The following DYNC2LI1 variants were observed in gnomAD, a reference collection of about 807,000 sequenced individuals.
DYNC2LI1 encodes the protein dynein cytoplasmic 2 light intermediate chain 1, also known as cytoplasmic dynein 2 light intermediate chain 1.
In DYNC2LI1, 45 loss-of-function variants were observed where a neutral mutation model predicts 51.9. That is an observed-to-expected ratio of 0.87 (90% CI 0.68 to 1.11). The LOEUF (loss-of-function observed/expected upper bound fraction) is 1.11, where lower values mean the gene tolerates loss of function less well. Ranked by LOEUF, DYNC2LI1 falls within the 50% of genes most tolerant of loss-of-function variation. The probability of loss-of-function intolerance (pLI) is 0.00; values close to 1 mark genes in which losing one functional copy is unlikely to be tolerated. For synonymous variants in DYNC2LI1, 130 were observed against 137.8 expected, an observed-to-expected ratio of 0.94 and a Z score of 0.40; for missense variants, 490 against 417.4, an observed-to-expected ratio of 1.17 and a Z score of -1.51.
intron 5 of DYNC2LI1, chr2:43,792,554 A>T: frequency 6.3e-6 from 6 of 951,730 alleles, no homozygotes; most frequent in Non-Finnish European, 8.5e-6. Flanking sequence ...AGTCATTTTT[A>T]ACTGTGCAGT....
chr2:43,797,997 C>T (rs939946161), intron 8 of DYNC2LI1, among the ~76,000 whole-genome samples: 1 of 151,992 alleles, frequency 6.6e-6, no homozygotes, highest in Non-Finnish European at 1.5e-5. Context: ...CATGGTGGCA[C>T]ACACCAGTTG....
Position 43,810,008 on chromosome 2 carries a change from T to C in DYNC2LI1, c.*241T>C. On this transcript the variant is annotated 3_prime_UTR_variant, in exon 13 of 13. Transcript: ENST00000260605. ...AAAAGAATCTTCTACTACCTACCTC[T>C]AACATGTTTAAGTGGTATATACTCA... 9.0e-7 allele frequency: 1 copy of C among 1,111,086 alleles called. No homozygotes were observed. Among genetic ancestry groups the C allele is most frequent in the Admixed American group, 4.0e-5 (1 of 25,106 alleles). The allele number at this position is 1,111,086 out of a possible 1,614,324, so 68.8% of individuals were successfully genotyped here. A position where few individuals can be genotyped will look rare whatever the true frequency, so the allele number is the denominator to read the frequency against.
At chr2:43,826,787 C>G in the DYNC2LI1 span, among the ~76,000 whole-genome samples, 1 of 152,222 alleles carries the variant, frequency 6.6e-6, no homozygotes, top group Non-Finnish European at 1.5e-5. Flanking sequence ...TACGGGCCAT[C>G]TGGGCTCTGC....
chr2:43,775,766 C>T (rs756081767), intron 1 of DYNC2LI1: 2 of 372,970 alleles, frequency 5.4e-6, no homozygotes, highest in South Asian at 3.8e-5. Flanking sequence ...TGGCTCAATA[C>T]AACATCCACC....
At chr2:43,822,264 C>A in the DYNC2LI1 span, among the ~76,000 whole-genome samples, 1 of 151,942 alleles carries the variant, frequency 6.6e-6, no homozygotes, top group Non-Finnish European at 1.5e-5. Context: ...TCCCTTTATG[C>A]TTCACCTCCT....
chr2:43,798,543 G>A (rs1038776825), intron 8 of DYNC2LI1, among the ~76,000 whole-genome samples: 23 of 152,176 alleles, frequency 1.5e-4, no homozygotes, highest in Admixed American at 3.9e-4. Flanking sequence ...GGAAATCCCT[G>A]TATTTCTTTA....
intron 3 of DYNC2LI1, among the ~76,000 whole-genome samples, chr2:43,784,662 G>A (rs970924833): frequency 3.3e-5 from 5 of 152,050 alleles, no homozygotes; most frequent in South Asian, 2.1e-4. Context: ...TCGAACTCAC[G>A]ATGTCAGGTG....
Position 43,789,762 on chromosome 2 carries a change from A to T in DYNC2LI1, c.320+41A>T, listed in dbSNP as rs184689483. On this transcript the variant is annotated intron_variant, in intron 5 of 12. Transcript: ENST00000260605. ...CCAGGAAAACCTGTAAGTACACAGGAGTGTCCCTAGGAGGAATATGAGTTG... is the reference window on the plus strand; with the variant it reads ...CCAGGAAAACCTGTAAGTACACAGGTGTGTCCCTAGGAGGAATATGAGTTG... 1.2e-4 allele frequency: 181 copies of T among 1,559,754 alleles called. No individual in the cohort carries two copies. The African/African-American group carries it at 2.2e-3, about 19-fold the overall frequency.
chr2:43,821,907 G>A, the DYNC2LI1 span, among the ~76,000 whole-genome samples: 1 of 151,860 alleles, frequency 6.6e-6, no homozygotes, highest in African/African-American at 2.4e-5. Flanking sequence ...ATCTTTGAAA[G>A]TGTGACCCTA....
At chr2:43,825,036 G>T in the DYNC2LI1 span, 6 of 1,612,748 alleles carry the variant, frequency 3.7e-6, no homozygotes, top group Non-Finnish European at 5.1e-6. Flanking sequence ...GACAACAGAC[G>T]TAGTTAGTGT....
intron 2 of DYNC2LI1, among the ~76,000 whole-genome samples, chr2:43,777,839 A>G (rs930553338): frequency 6.6e-6 from 1 of 152,220 alleles, no homozygotes; most frequent in Non-Finnish European, 1.5e-5. Context: ...ATATATTGGG[A>G]GAAATACCTG....
At chr2:43,795,078 T>C (rs1673970579) in intron 6 of DYNC2LI1, 1 of 1,014,254 alleles carries the variant, frequency 9.9e-7, no homozygotes, top group Non-Finnish European at 1.2e-6. Flanking sequence ...CTGTCACTTA[T>C]TCAGTATCTT....
At chr2:43,794,340 G>A (rs1045957323) in intron 5 of DYNC2LI1, 117 bp from the exon 6 acceptor site, 16 of 1,127,636 alleles carry the variant, frequency 1.4e-5, no homozygotes, top group Middle Eastern at 2.8e-4. Context: ...ATAATGCTAC[G>A]GTTTTTTTTT....
rs778471864 is a variant in DYNC2LI1 at position 43,795,948 on chromosome 2, A to G, written c.566A>G (p.Asp189Gly). The stretch of plus-strand genomic sequence containing the variant: ...CTGGTCATAATTGGAAGTAAATATG[A>G]TGTTTTTCAGGTAAGCTCTTCCGCT... ...VPLVIIGSKY[D>G]VFQDFESEKR... The change falls in exon 7 of 13, where the codon GAT (aspartate) becomes GGT (glycine). Residue 189 changes from aspartate (D) to glycine (G), a missense_variant. By Grantham distance (94) the Asp-to-Gly change is moderately conservative (BLOSUM62 -1). Transcript: ENST00000260605. 5 of 1,612,944 alleles carry G rather than the reference A, an allele frequency of 3.1e-6. No homozygotes were observed. In the Admixed American group the frequency reaches 6.7e-5, roughly 22 times the overall value.
chr2:43,784,138 A>G (rs1024772616), intron 3 of DYNC2LI1, among the ~76,000 whole-genome samples: 2 of 152,240 alleles, frequency 1.3e-5, no homozygotes, highest in African/African-American at 4.8e-5. Flanking sequence ...CTCCAAAATC[A>G]TCAAAAGAGA....
chr2:43,809,904 C>T lies in DYNC2LI1; in HGVS notation c.*137C>T, dbSNP rs1666420259. 4 of 1,423,852 alleles carry T rather than the reference C, an allele frequency of 2.8e-6. No individual in the cohort carries two copies. Among genetic ancestry groups the T allele is most frequent in the Non-Finnish European group, 3.7e-6 (4 of 1,089,644 alleles). The allele number at this position is 1,423,852 out of a possible 1,614,324, so 88.2% of individuals were successfully genotyped here. On this transcript the variant is annotated 3_prime_UTR_variant, in exon 13 of 13. Transcript: ENST00000260605. ...TAAAGGACAAGCTGGATTTCTTGGA[C>T]TAGTGCATCTCCCTGTATATCTTGA...
chr2:43,819,648 C>T, the DYNC2LI1 span, among the ~76,000 whole-genome samples: 1 of 152,114 alleles, frequency 6.6e-6, no homozygotes, highest in Admixed American at 6.5e-5. Context: ...TGGTTTTCTT[C>T]TCTTGGTATA....
At chr2:43,778,148 T>C (rs1366138776) in intron 2 of DYNC2LI1, among the ~76,000 whole-genome samples, 4 of 152,098 alleles carry the variant, frequency 2.6e-5, no homozygotes, top group Non-Finnish European at 4.4e-5. Flanking sequence ...ACTATATAAG[T>C]ATATATTTTA....
At chr2:43,791,329 G>A (rs776468343) in intron 5 of DYNC2LI1, among the ~76,000 whole-genome samples, 11 of 152,128 alleles carry the variant, frequency 7.2e-5, no homozygotes, top group Admixed American at 2.0e-4. Flanking sequence ...GTTGGGAGTC[G>A]CCTCCTATTC....
Sources: gnomAD v4.1 joint callset for allele counts (sites outside exome capture counted in the v4.1 genomes callset) on GRCh38, gnomAD v4.1.1 for gene constraint, MANE v1.5 for transcripts, NCBI Gene and HGNC (gene_info 2026-07-23, HGNC 2026-07-21) for gene names.